Variants in GMNC observed in about 807,000 individuals in gnomAD.
GMNC encodes the protein geminin coiled-coil domain containing.
Under a neutral mutation model 33.6 loss-of-function variants are expected in GMNC, and 16 were observed. The ratio of observed to expected loss-of-function variants is 0.48; its 90% CI spans 0.32 to 0.72. The LOEUF (loss-of-function observed/expected upper bound fraction) is 0.72. GMNC is among the 30% of genes least tolerant of loss of function. GMNC has a pLI of 0.03. For synonymous variants in GMNC, 156 were observed against 147.3 expected (o/e 1.06, Z -0.43); for missense variants, 393 against 388.9 (o/e 1.01, Z -0.09).
downstream of GMNC, among the ~76,000 whole-genome samples, chr3:190,847,766 T>C (rs114941691): frequency 6.7e-3 from 1,019 of 152,194 alleles, 14 homozygotes; most frequent in African/African-American, 0.022. Flanking sequence ...CTTCCTCTAA[T>C]GGGGGGAAGG....
rs1560038677 is a variant in GMNC at position 190,861,449 on chromosome 3, G to A, written c.4-591C>T. ...AATCTATCTGTCTGTCTGTCTGTCT[G>A]CCTATCATCTATCTATCTATCTATC... On this transcript the variant is annotated intron_variant, in intron 1 of 4. Coordinates refer to ENST00000442080, the MANE Select transcript of GMNC (RefSeq NM_001146686.3). This position sits in a 1 kb window ranked among gnomAD's most constrained non-coding sequence, Gnocchi z 5.1. 6.8e-6 allele frequency among the ~76,000 whole-genome samples: 1 copy of A among 146,456 alleles called. No individual in the cohort carries two copies. The highest frequency in any genetic ancestry group is 6.9e-5 in the Admixed American group (1 of 14,410).
In GMNC at chr3:190,853,575, A is replaced by C. The variant is rs1737671424; in HGVS notation, c.*1720T>G. ...AAAATAAAGCAACAACCAAACAGAA[A>C]CAACAATGAAAGGCATGTCTCTGTT... On this transcript the variant is annotated 3_prime_UTR_variant, in exon 5 of 5. Coordinates refer to ENST00000442080, the MANE Select transcript of GMNC (RefSeq NM_001146686.3). 6.6e-6 allele frequency: 1 copy of C among 152,100 alleles called. No homozygotes were observed. Among genetic ancestry groups the C allele is most frequent in the African/African-American group, 2.4e-5 (1 of 41,430 alleles). The allele number at this position is 152,100 out of a possible 1,614,324, so 9.4% of individuals were successfully genotyped here. A position where few individuals can be genotyped will look rare whatever the true frequency, so the allele number is the denominator to read the frequency against.
rs1438955867 is a variant in GMNC at position 190,855,326 on chromosome 3, C to T, written c.974G>A (p.Trp325Ter). The T allele has an allele frequency of 6.4e-7, 1 of 1,551,572 alleles. No homozygotes were observed. Among genetic ancestry groups the T allele is most frequent in the Admixed American group, 2.0e-5 (1 of 51,002 alleles). The part of the protein sequence containing the change: ...AFVRRDEEGG[W>*]KFTWVPKQS ...CTGCTTAGGGACCCAGGTAAACTTCCAGCCTCCCTCCTCATCTCGACGCAC... is the reference window on the plus strand; with the variant it reads ...CTGCTTAGGGACCCAGGTAAACTTCTAGCCTCCCTCCTCATCTCGACGCAC... Residue 325 changes from tryptophan (W) to a stop codon, truncating the protein, a stop_gained, in exon 5 of 5, where the codon TGG (tryptophan) becomes TAG (stop). Coordinates refer to ENST00000442080, the MANE Select transcript of GMNC (RefSeq NM_001146686.3). LOFTEE classifies it high-confidence loss of function.
Position 190,860,902 on chromosome 3 carries a change from G to A in GMNC, c.4-44C>T, listed in dbSNP as rs150890600. The A allele has an allele frequency of 5.4e-4, 757 of 1,399,958 alleles. 7 individuals are homozygous for A. The East Asian group carries it at 0.017, about 31-fold the overall frequency. 86.7% of individuals were successfully genotyped at this position (1,399,958 alleles called of 1,614,324 possible). A position where few individuals can be genotyped will look rare whatever the true frequency, so the allele number is the denominator to read the frequency against. ...GGGGAGTGAGGGGTCCCAAAAGATG[G>A]GGTGATGGAGATTTAGAAGGGGGAA... On this transcript the variant is annotated intron_variant, in intron 1 of 4. Transcript: ENST00000442080.
intron 4 of GMNC, 139 bp downstream of exon 4, chr3:190,857,644 G>A (rs562036553): frequency 2.2e-4 from 122 of 555,636 alleles, no homozygotes; most frequent in East Asian, 1.2e-3. Context: ...TGAAAGAGCC[G>A]TTATTTCCTT....
downstream of GMNC, among the ~76,000 whole-genome samples, chr3:190,850,484 G>A (rs948599558): frequency 2.0e-5 from 3 of 152,200 alleles, no homozygotes; most frequent in African/African-American, 7.2e-5. Context: ...CTGGGAAGAT[G>A]GGGAAGAGCC....
At position 190,862,520 on chromosome 3, in the gene GMNC, T is replaced by C. The variant is rs1395176258; in HGVS notation, c.3+93A>G. 2.1e-6 allele frequency: 2 copies of C among 969,484 alleles called. No individual in the cohort carries two copies. The highest frequency in any genetic ancestry group is 2.0e-5 in the Admixed American group (1 of 50,254). The allele number at this position is 969,484 out of a possible 1,614,324, so 60.1% of individuals were successfully genotyped here. On this transcript the variant is annotated intron_variant, in intron 1 of 4. Coordinates refer to ENST00000442080, the MANE Select transcript of GMNC (RefSeq NM_001146686.3). This position sits in a 1 kb window ranked among gnomAD's most constrained non-coding sequence, Gnocchi z 4.5. ...CTGGCGGGTAGCGGAGAAATCTTGC[T>C]CCGAAGGTGGAATAAATTCTAAATG...
chr3:190,847,042 T>C, the GMNC span, among the ~76,000 whole-genome samples: 3 of 152,230 alleles, frequency 2.0e-5, no homozygotes, highest in Admixed American at 2.0e-4. Context: ...TTTTTGTCTC[T>C]TATAATTTGG....
Position 190,859,022 on chromosome 3 carries a change from A to G in GMNC, c.179-6T>C. On this transcript the variant is annotated splice_region_variant and splice_polypyrimidine_tract_variant and intron_variant, in intron 2 of 4. Coordinates refer to ENST00000442080, the MANE Select transcript of GMNC (RefSeq NM_001146686.3). Reference sequence around the variant, plus strand: ...ATTTGAGTCACTGAATGATTCTGTGAAAATACAAATAGATAACTGAGAAAA... The same window carrying G: ...ATTTGAGTCACTGAATGATTCTGTGGAAATACAAATAGATAACTGAGAAAA... 6.6e-7 allele frequency: 1 copy of G among 1,503,812 alleles called. No individual in the cohort carries two copies. Among genetic ancestry groups the G allele is most frequent in the Non-Finnish European group, 9.1e-7 (1 of 1,104,130 alleles). 93.2% of individuals were successfully genotyped at this position (1,503,812 alleles called of 1,614,324 possible).
chr3:190,855,332 C>T lies in GMNC; in HGVS notation c.968G>A (p.Gly323Glu), dbSNP rs1577910252. The T allele has an allele frequency of 1.3e-6, 2 of 1,551,526 alleles. No homozygotes were observed. The highest frequency in any genetic ancestry group is 2.7e-5 in the African/African-American group (2 of 73,010). ...AGGGACCCAGGTAAACTTCCAGCCT[C>T]CCTCCTCATCTCGACGCACAAAGGC... ...GQAFVRRDEE[G>E]GWKFTWVPKQ... Residue 323 changes from glycine (G) to glutamate (E), a missense_variant, in exon 5 of 5, where the codon GGA (glycine) becomes GAA (glutamate). Physicochemically the swap from Gly to Glu is moderately conservative, Grantham distance 98. Coordinates refer to ENST00000442080, the MANE Select transcript of GMNC (RefSeq NM_001146686.3).
chr3:190,850,540 C>G (rs1737617108), downstream of GMNC, among the ~76,000 whole-genome samples: 1 of 152,210 alleles, frequency 6.6e-6, no homozygotes, highest in Admixed American at 6.5e-5. Flanking sequence ...CCTGGCCTCT[C>G]CTGTTCCTAT....
downstream of GMNC, among the ~76,000 whole-genome samples, chr3:190,851,368 T>A (rs548415817): frequency 6.6e-6 from 1 of 152,342 alleles, no homozygotes; most frequent in Non-Finnish European, 1.5e-5. Context: ...GTGAGTGTTA[T>A]CTTAACAACA....
At position 190,855,394 on chromosome 3, in the gene GMNC, A is replaced by G. The variant is rs751937584; in HGVS notation, c.906T>C (p.His302=). Reference sequence around the variant, plus strand: ...GGAAGGAATGAGTTTTCACATTACAATGAGGGCTCAGGGATGTGGAAAATG... The same window carrying G: ...GGAAGGAATGAGTTTTCACATTACAGTGAGGGCTCAGGGATGTGGAAAATG... ...EMAFSTSLSP[H]CNVKTHSFHQ... is the part of the protein sequence containing the mutation. The change falls in exon 5 of 5, where the codon CAT becomes CAC. Residue 302 remains histidine (H), a synonymous_variant. Coordinates refer to ENST00000442080, the MANE Select transcript of GMNC (RefSeq NM_001146686.3). The G allele has an allele frequency of 1.0e-5, 16 of 1,552,030 alleles. No individual in the cohort carries two copies. Among genetic ancestry groups the G allele is most frequent in the East Asian group, 9.8e-5 (4 of 40,918 alleles).
chr3:190,848,102 AC>A (rs1457556395), downstream of GMNC, among the ~76,000 whole-genome samples: 1 of 152,214 alleles, frequency 6.6e-6, no homozygotes, highest in Non-Finnish European at 1.5e-5. Context: ...CCATACTGAT[AC>A]CAATGTCAAT....
At chr3:190,856,372 GAAATAGATATATTTATAAAT>G (rs1737742586) in intron 4 of GMNC, among the ~76,000 whole-genome samples, 1 of 126,956 alleles carries the variant, frequency 7.9e-6, no homozygotes, top group Non-Finnish European at 1.6e-5. Flanking sequence ...TAAATATTTA[GAAATAGATATATTTATAAAT>G]ATTTATATAT....
rs1381272993 is a variant in GMNC, at chr3:190,862,646, G to C, written c.-31C>G. 5 of 1,552,220 alleles carry C rather than the reference G, an allele frequency of 3.2e-6. No individual in the cohort carries two copies. The highest frequency in any genetic ancestry group is 3.5e-6 in the Non-Finnish European group (4 of 1,147,092). ...AGTGGAAGAAAGCGCTGCAGAAACT[G>C]AGCCCACTCAATTTTTCAGTAAAAC... On this transcript the variant is annotated 5_prime_UTR_variant, in exon 1 of 5. Transcript: ENST00000442080. The surrounding 1 kb of genome is among the most constrained non-coding windows in gnomAD (Gnocchi z 4.5).
the GMNC span, among the ~76,000 whole-genome samples, chr3:190,846,942 T>A: frequency 3.3e-5 from 5 of 152,198 alleles, no homozygotes; most frequent in African/African-American, 1.2e-4. Context: ...CTGATAATAT[T>A]ATAACTGATC....
Position 190,861,006 on chromosome 3 carries a change from T to C in GMNC, c.4-148A>G, listed in dbSNP as rs1029611417. 3 of 561,644 alleles carry C rather than the reference T, an allele frequency of 5.3e-6. No homozygotes were observed. Among genetic ancestry groups the C allele is most frequent in the Non-Finnish European group, 6.1e-6 (2 of 329,322 alleles). The allele number at this position is 561,644 out of a possible 1,614,324, so 34.8% of individuals were successfully genotyped here. ...AGAAAAGGTGTTAAGTATAGATCCA[T>C]ATTAATTTTGGGGTGGTCAAATTAT... On this transcript the variant is annotated intron_variant, in intron 1 of 4. Transcript: ENST00000442080. The surrounding 1 kb of genome is among the most constrained non-coding windows in gnomAD (Gnocchi z 5.1).
chr3:190,850,143 ACAAG>A, downstream of GMNC, among the ~76,000 whole-genome samples: 1 of 152,318 alleles, frequency 6.6e-6, no homozygotes, highest in South Asian at 2.1e-4. Context: ...TCCCTTGTGA[ACAAG>A]CCCTGTTAGC....
Sources: gnomAD v4.1 joint callset for allele counts (sites outside exome capture counted in the v4.1 genomes callset) on GRCh38, gnomAD v4.1.1 for gene constraint, Gnocchi (gnomAD v3.1) non-coding constraint, MANE v1.5 for transcripts, NCBI Gene and HGNC (gene_info 2026-07-23, HGNC 2026-07-21) for gene names.